The following PTPRN2 variants were observed in gnomAD, a reference collection of about 807,000 sequenced individuals.
PTPRN2 encodes the protein receptor-type tyrosine-protein phosphatase N2.
In PTPRN2, 74 loss-of-function variants were observed where a neutral mutation model predicts 118.8. That is an observed-to-expected ratio of 0.62 (90% CI 0.52 to 0.76). The LOEUF is 0.76. Among genes scored for constraint, PTPRN2 ranks in the 30% least tolerant of loss-of-function variants. The pLI is 0.00. For synonymous variants in PTPRN2, 641 were observed against 608.0 expected (o/e 1.05, Z -0.80); for missense variants, 1,481 against 1,394.4 (o/e 1.06, Z -0.99).
At chr7:158,038,721 T>C (rs1295043930) in intron 11 of PTPRN2, among the ~76,000 whole-genome samples, 1 of 148,230 alleles carries the variant, frequency 6.7e-6, no homozygotes, top group Non-Finnish European at 1.5e-5. Context: ...TTATATAATA[T>C]GTAGTATTTA....
chr7:158,550,102 A>G (rs776230451), intron 1 of PTPRN2, among the ~76,000 whole-genome samples: 1 of 152,184 alleles, frequency 6.6e-6, no homozygotes, highest in Non-Finnish European at 1.5e-5. Context: ...CTCGTTCTGA[A>G]AATGAAAGAC....
chr7:158,098,316 T>G (rs1046924198), intron 10 of PTPRN2, among the ~76,000 whole-genome samples: 1 of 152,048 alleles, frequency 6.6e-6, no homozygotes, highest in African/African-American at 2.4e-5. Flanking sequence ...GGGGGCTCCC[T>G]GGGGAGGAGG....
chr7:158,405,817 G>A (rs1235656158), intron 2 of PTPRN2, among the ~76,000 whole-genome samples: 1 of 147,660 alleles, frequency 6.8e-6, no homozygotes, highest in East Asian at 2.0e-4. Flanking sequence ...GATCCCGGTG[G>A]CTCATCCGTG....
At chr7:158,463,333 CCATCAG>C (rs1225454965) in intron 2 of PTPRN2, among the ~76,000 whole-genome samples, 1 of 152,030 alleles carries the variant, frequency 6.6e-6, no homozygotes, top group Non-Finnish European at 1.5e-5. Context: ...ATCACCATCA[CCATCAG>C]CATCATTACT....
Position 157,595,283 on chromosome 7 carries a change from G to C in PTPRN2, c.2451C>G (p.Ile817Met), listed in dbSNP as rs754829300. ...MDHDPRNPAYIATQGPLPATV... is the reference protein window; with the variant it reads ...MDHDPRNPAYMATQGPLPATV... Reference sequence around the variant, plus strand: ...TGGCGGGCAGCGGTCCCTGGGTGGCGATGTACGCGGGGTTCCTCGGGTCGT... The same window carrying C: ...TGGCGGGCAGCGGTCCCTGGGTGGCCATGTACGCGGGGTTCCTCGGGTCGT... The change falls in exon 17 of 23, where the codon ATC becomes ATG. Residue 817 changes from isoleucine to methionine, a missense_variant. Transcript: ENST00000389418. The C allele has an allele frequency of 6.2e-7, 1 of 1,614,246 alleles. No homozygotes were observed. Among genetic ancestry groups the C allele is most frequent in the Non-Finnish European group, 8.5e-7 (1 of 1,180,042 alleles).
chr7:157,645,027 T>C (rs1273737797), intron 14 of PTPRN2, among the ~76,000 whole-genome samples: 1 of 152,192 alleles, frequency 6.6e-6, no homozygotes, highest in East Asian at 1.9e-4. Context: ...AATTAATCGA[T>C]ATCACTGCCT....
intron 12 of PTPRN2, among the ~76,000 whole-genome samples, chr7:157,765,948 C>CCCAT (rs1389502235): frequency 1.6e-4 from 23 of 147,632 alleles, no homozygotes; most frequent in South Asian, 6.8e-4. Context: ...CCACCCTTCA[C>CCCAT]CCATCCATCC....
intron 6 of PTPRN2, among the ~76,000 whole-genome samples, chr7:158,163,235 G>A (rs1243228317): frequency 5.3e-5 from 8 of 152,032 alleles, no homozygotes; most frequent in Admixed American, 1.3e-4. Flanking sequence ...CCTATACCAG[G>A]TTCTCAATTC....
chr7:157,912,878 C>T (rs1044251980), intron 11 of PTPRN2, among the ~76,000 whole-genome samples: 14 of 152,166 alleles, frequency 9.2e-5, no homozygotes, highest in African/African-American at 3.4e-4. Context: ...TGTGATCTTT[C>T]TTACTTTAGT....
intron 14 of PTPRN2, among the ~76,000 whole-genome samples, chr7:157,641,609 G>A (rs1396959180): frequency 1.3e-5 from 2 of 152,126 alleles, no homozygotes; most frequent in Admixed American, 1.3e-4. Flanking sequence ...ACACTGGGAA[G>A]CCAGACTCTG....
At chr7:157,969,838 TCTC>T (rs1423447163) in intron 11 of PTPRN2, among the ~76,000 whole-genome samples, 1 of 151,678 alleles carries the variant, frequency 6.6e-6, no homozygotes, top group Admixed American at 6.6e-5. Context: ...ACTCTCCTGA[TCTC>T]CTAAGGGAGA....
intron 1 of PTPRN2, among the ~76,000 whole-genome samples, chr7:158,559,800 G>A (rs183959320): frequency 6.6e-6 from 1 of 152,330 alleles, no homozygotes; most frequent in East Asian, 1.9e-4. Flanking sequence ...CATCTGAGAG[G>A]TGAGGCGATG....
At chr7:158,132,796 CAT>C (rs1419010363) in intron 9 of PTPRN2, among the ~76,000 whole-genome samples, 6 of 151,994 alleles carry the variant, frequency 3.9e-5, no homozygotes, top group East Asian at 1.9e-4. Context: ...TATACACACA[CAT>C]GCGTATGCAG....
chr7:157,656,117 G>T (rs548058285), intron 14 of PTPRN2, among the ~76,000 whole-genome samples: 3 of 58,448 alleles, frequency 5.1e-5, no homozygotes, highest in Non-Finnish European at 1.4e-4. Flanking sequence ...ACTGTGTGTG[G>T]GGGCTGCACG....
chr7:157,599,208 C>G (rs1426411140), intron 16 of PTPRN2, among the ~76,000 whole-genome samples: 1 of 152,176 alleles, frequency 6.6e-6, no homozygotes, highest in Non-Finnish European at 1.5e-5. Flanking sequence ...TGGGGTTTCA[C>G]CATATTGGCC....
chr7:157,917,480 G>A (rs1207973547), intron 11 of PTPRN2, among the ~76,000 whole-genome samples: 1 of 152,198 alleles, frequency 6.6e-6, no homozygotes, highest in Non-Finnish European at 1.5e-5. Context: ...GCCGGGGGGC[G>A]GGGCTTCGGT....
intron 14 of PTPRN2, among the ~76,000 whole-genome samples, chr7:157,634,081 C>CA (rs1185579316): frequency 1.3e-5 from 2 of 151,930 alleles, no homozygotes; most frequent in African/African-American, 4.9e-5. Context: ...CCGCGTCCTG[C>CA]AGGCAACACG....
chr7:158,149,153 C>G (rs1327640185), intron 6 of PTPRN2, among the ~76,000 whole-genome samples: 1 of 150,798 alleles, frequency 6.6e-6, no homozygotes, highest in Non-Finnish European at 1.5e-5. Context: ...TGTCTTTCCC[C>G]CTCAGTGACA....
At chr7:158,149,567 C>T (rs1047900066) in intron 6 of PTPRN2, among the ~76,000 whole-genome samples, 4 of 151,992 alleles carry the variant, frequency 2.6e-5, no homozygotes, top group African/African-American at 9.7e-5. Flanking sequence ...ACTTTGGGGT[C>T]CGAGGTGGGT....
Sources: allele counts gnomAD v4.1 joint callset (sites outside exome capture counted in the v4.1 genomes callset), GRCh38; gene constraint gnomAD v4.1.1; transcripts MANE v1.5; gene names NCBI Gene and HGNC (gene_info 2026-07-23, HGNC 2026-07-21).